FMN2: variants seen among roughly 807,000 people sequenced by gnomAD.
FMN2 encodes formin 2, also known as formin-2.
A neutral mutation model predicts 142.3 loss-of-function variants in FMN2; 51 were observed. The ratio of observed to expected loss-of-function variants is 0.36; its 90% CI spans 0.29 to 0.45. The LOEUF is 0.45. Ranked by LOEUF, FMN2 falls within the 20% of genes least tolerant of loss-of-function variation. The pLI, the probability that FMN2 is intolerant of heterozygous loss-of-function variation, is 1.00. For missense variants in FMN2, 1,936 were observed against 2,122.8 expected, an observed-to-expected ratio of 0.91 and a Z score of 1.73; for synonymous variants, 882 against 869.8, an observed-to-expected ratio of 1.01 and a Z score of -0.25.
At chr1:240,162,606 T>TACTC (rs1664324579) in intron 2 of FMN2, among the ~76,000 whole-genome samples, 1 of 152,088 alleles carries the variant, frequency 6.6e-6, no homozygotes, top group South Asian at 2.1e-4. Flanking sequence ...TCTAATATCT[T>TACTC]ACTACTTTAA....
At chr1:240,145,348 C>T (rs1188645227) in intron 2 of FMN2, 3 of 806,338 alleles carry the variant, frequency 3.7e-6, no homozygotes, top group South Asian at 2.1e-5. Context: ...ACTGCACCAG[C>T]GTCTTGTCCC....
intron 14 of FMN2, among the ~76,000 whole-genome samples, chr1:240,375,764 C>T (rs1215236823): frequency 1.3e-5 from 2 of 152,124 alleles, no homozygotes; most frequent in Non-Finnish European, 2.9e-5. Context: ...GCAAGGGTGA[C>T]CTGTCAGGTT....
intron 4 of FMN2, among the ~76,000 whole-genome samples, chr1:240,194,780 C>G (rs577118207): frequency 6.6e-6 from 1 of 152,190 alleles, no homozygotes; most frequent in Non-Finnish European, 1.5e-5. Context: ...TTTGCTCAAG[C>G]CTTTACAGGC....
chr1:240,371,130 G>T (rs530800487), intron 14 of FMN2, among the ~76,000 whole-genome samples: 70 of 150,350 alleles, frequency 4.7e-4, no homozygotes, highest in East Asian at 2.9e-3. Flanking sequence ...TTGTTTTTTG[G>T]TTTTTTTTTG....
At chr1:240,104,089 A>G (rs760499054) in intron 1 of FMN2, among the ~76,000 whole-genome samples, 13 of 151,418 alleles carry the variant, frequency 8.6e-5, no homozygotes, top group Non-Finnish European at 1.5e-4. Context: ...CGTGTTAGCC[A>G]GGATGGTCTC....
intron 15 of FMN2, among the ~76,000 whole-genome samples, chr1:240,419,852 A>C: frequency 6.6e-6 from 1 of 152,104 alleles, no homozygotes. Flanking sequence ...TAGAGCAGCC[A>C]CCTGTAGCCT....
intron 15 of FMN2, among the ~76,000 whole-genome samples, chr1:240,397,049 G>A (rs933345635): frequency 1.3e-5 from 2 of 152,156 alleles, no homozygotes; most frequent in African/African-American, 4.8e-5. Flanking sequence ...TTCCACAGTG[G>A]CTGAACAACT....
intron 16 of FMN2, among the ~76,000 whole-genome samples, chr1:240,470,150 C>G (rs1297573211): frequency 1.4e-5 from 2 of 145,548 alleles, no homozygotes; most frequent in African/African-American, 5.1e-5. Context: ...CCACAAAATG[C>G]TTTAAAAAGC....
At chr1:240,170,232 C>A in intron 2 of FMN2, 3 of 1,272,454 alleles carry the variant, frequency 2.4e-6, no homozygotes, top group East Asian at 2.4e-5. Context: ...AGCCTCTCTC[C>A]GTAGAGGAGA....
intron 6 of FMN2, among the ~76,000 whole-genome samples, chr1:240,212,669 G>A (rs1455670216): frequency 6.6e-6 from 1 of 152,160 alleles, no homozygotes; most frequent in Non-Finnish European, 1.5e-5. Flanking sequence ...ATTTTCTCTG[G>A]CAGAGATAAA....
chr1:240,333,986 T>C (rs777598158), intron 12 of FMN2, 40 bp downstream of exon 12: 1 of 1,584,848 alleles, frequency 6.3e-7, no homozygotes, highest in East Asian at 2.2e-5. Flanking sequence ...CCATTATTCT[T>C]TATTCGTTGG....
intron 14 of FMN2, among the ~76,000 whole-genome samples, chr1:240,378,254 G>A (rs570497985): frequency 3.9e-5 from 6 of 151,994 alleles, no homozygotes; most frequent in East Asian, 1.9e-4. Context: ...AAGAACAAAC[G>A]ATTCTCCTGC....
intron 8 of FMN2, among the ~76,000 whole-genome samples, chr1:240,296,384 T>C (rs1248154272): frequency 6.6e-6 from 1 of 151,458 alleles, no homozygotes; most frequent in Non-Finnish European, 1.5e-5. Context: ...CTTTTGATTA[T>C]ATTTAAGGTA....
intron 6 of FMN2, among the ~76,000 whole-genome samples, chr1:240,239,256 A>G (rs1374181352): frequency 1.3e-5 from 2 of 152,192 alleles, no homozygotes; most frequent in Non-Finnish European, 2.9e-5. Flanking sequence ...TGATTTGGCT[A>G]TTGTTGGACG....
chr1:240,351,948 A>C (rs1672110909), intron 13 of FMN2, among the ~76,000 whole-genome samples: 1 of 152,224 alleles, frequency 6.6e-6, no homozygotes, highest in African/African-American at 2.4e-5. Flanking sequence ...TGTCATGAAT[A>C]AAAGGACAGT....
At chr1:240,458,891 A>G (rs1441417280) in intron 16 of FMN2, 3 of 152,166 alleles carry the variant, frequency 2.0e-5, no homozygotes, top group South Asian at 2.1e-4. Flanking sequence ...CAGAAAGAAT[A>G]TGGTCATTCT....
intron 1 of FMN2, among the ~76,000 whole-genome samples, chr1:240,098,463 A>AT (rs958382291): frequency 6.6e-6 from 1 of 151,932 alleles, no homozygotes; most frequent in Non-Finnish European, 1.5e-5. Context: ...GCTACATTGG[A>AT]TTTTTTTAAG....
chr1:240,357,657 A>G (rs1387146593), intron 14 of FMN2, among the ~76,000 whole-genome samples: 9 of 144,368 alleles, frequency 6.2e-5, no homozygotes, highest in South Asian at 4.3e-4. Context: ...TACCGGGCTG[A>G]TGTCCAGTGG....
chr1:240,456,133 T>TTTGGGGATAA (rs1224698787), intron 16 of FMN2, among the ~76,000 whole-genome samples: 1 of 152,114 alleles, frequency 6.6e-6, no homozygotes, highest in Non-Finnish European at 1.5e-5. Context: ...GTCTACACAC[T>TTTGGGGATAA]TTGGGGATAA....
Sources: allele counts gnomAD v4.1 joint callset (sites outside exome capture counted in the v4.1 genomes callset), GRCh38; gene constraint gnomAD v4.1.1; transcripts MANE v1.5; gene names NCBI Gene and HGNC (gene_info 2026-07-23, HGNC 2026-07-21).